The following PARP14 variants were observed in gnomAD, a reference collection of about 807,000 sequenced individuals.
The protein encoded by PARP14 is poly(ADP-ribose) polymerase family member 14, also known as protein mono-ADP-ribosyltransferase PARP14.
In PARP14, 59 loss-of-function variants were observed where a neutral mutation model predicts 154.2. That is an observed-to-expected ratio of 0.38 (90% CI 0.31 to 0.48). The LOEUF is 0.48. Among genes scored for constraint, PARP14 ranks in the 20% least tolerant of loss-of-function variants. The pLI is 0.98. For synonymous variants in PARP14, 720 were observed against 780.5 expected, an observed-to-expected ratio of 0.92 and a Z score of 1.29; for missense variants, 1,734 against 2,131.6, an observed-to-expected ratio of 0.81 and a Z score of 3.67.
intron 6 of PARP14, 104 bp from the exon 7 acceptor site, chr3:122,703,638 C>T (rs573328665): frequency 1.6e-6 from 1 of 639,892 alleles, no homozygotes; most frequent in Admixed American, 2.9e-5. Flanking sequence ...CCGTAGTCAT[C>T]TTAGTTGTCT....
In PARP14 at chr3:122,703,950, G is replaced by A. The variant is rs1039729588; in HGVS notation, c.3290G>A (p.Trp1097Ter). The A allele has an allele frequency of 6.2e-7, 1 of 1,613,608 alleles. No homozygotes were observed. Among genetic ancestry groups the A allele is most frequent in the African/African-American group, 1.3e-5 (1 of 74,906 alleles). Residue 1097 changes from tryptophan (W) to a stop codon, truncating the protein, a stop_gained, in exon 7 of 17, where the codon TGG becomes TAG. Coordinates refer to ENST00000474629, the MANE Select transcript of PARP14 (RefSeq NM_017554.3). LOFTEE classifies it high-confidence loss of function. ...RYVLHVVAPE[W>*]RNGSTSSLKI... ...GTGCTTCACGTGGTAGCTCCGGAGT[G>A]GAGAAATGGTAGCACATCTTCACTC...
chr3:122,700,029 C>T lies in PARP14; in HGVS notation c.1475C>T (p.Thr492Met), dbSNP rs192821471. 115 of 1,613,918 alleles carry T rather than the reference C, an allele frequency of 7.1e-5. No homozygotes were observed. Among genetic ancestry groups the T allele is most frequent in the East Asian group, 2.9e-4 (13 of 44,882 alleles). The change falls in exon 6 of 17, where the codon ACG becomes ATG. Residue 492 changes from threonine (T) to methionine (M), a missense_variant. Physicochemically the swap from Thr to Met is moderately conservative, Grantham distance 81 (BLOSUM62 -1). Coordinates refer to ENST00000474629, the MANE Select transcript of PARP14 (RefSeq NM_017554.3). ...CHSSLLDHLLTECPEIEICYD... is the reference protein window; with the variant it reads ...CHSSLLDHLLMECPEIEICYD... Reference sequence around the variant, plus strand: ...AGCAGTCTACTGGACCATTTACTCACGGAGTGCCCAGAGATAGAGATTTGT... The same window carrying T: ...AGCAGTCTACTGGACCATTTACTCATGGAGTGCCCAGAGATAGAGATTTGT...
intron 15 of PARP14, chr3:122,722,315 CT>C (rs2107655077): frequency 6.6e-6 from 1 of 152,168 alleles, no homozygotes; most frequent in Non-Finnish European, 1.5e-5. Context: ...GTATGCAGCT[CT>C]ATGATGGTCT....
intron 5 of PARP14, among the ~76,000 whole-genome samples, chr3:122,698,425 G>A (rs1463454008): frequency 6.6e-6 from 1 of 152,206 alleles, no homozygotes; most frequent in Admixed American, 6.5e-5. Context: ...CACACCCAGT[G>A]AAGTGGAAAA....
Position 122,681,656 on chromosome 3 carries a change from G to T in PARP14, c.187+586G>T, listed in dbSNP as rs1938213926. Among the ~76,000 whole-genome samples, 1 of 152,294 alleles carries T rather than the reference G, an allele frequency of 6.6e-6. No homozygotes were observed. Among genetic ancestry groups the T allele is most frequent in the South Asian group, 2.1e-4 (1 of 4,818 alleles). The stretch of plus-strand genomic sequence containing the variant: ...CGACCACAGGTGCCCATTGTCGAGG[G>T]CCTGCCGGGGCCTCTTCTCCGAGTC... On this transcript the variant is annotated intron_variant, in intron 1 of 16. Coordinates refer to ENST00000474629, the MANE Select transcript of PARP14 (RefSeq NM_017554.3). This position sits in a 1 kb window ranked among gnomAD's most constrained non-coding sequence, Gnocchi z 5.5.
At position 122,699,390 on chromosome 3, in the gene PARP14, T is replaced by C; in HGVS notation, c.836T>C (p.Val279Ala). 1 of 1,589,794 alleles carries C rather than the reference T, an allele frequency of 6.3e-7. No homozygotes were observed. Among genetic ancestry groups the C allele is most frequent in the Non-Finnish European group, 8.6e-7 (1 of 1,163,760 alleles). Residue 279 changes from valine (V) to alanine (A), a missense_variant and splice_region_variant, in exon 6 of 17, where the codon GTG becomes GCG. Val to Ala is a moderately conservative substitution (Grantham distance 64). This residue lies in a region of PARP14 where 1,646 missense variants were observed against 1,976.0 expected (regional missense o/e 0.83). Coordinates refer to ENST00000474629, the MANE Select transcript of PARP14 (RefSeq NM_017554.3). ...SALIEFFDRK[V>A]LDTIMATKLD... ...ATTATTTTACTTCTTTCCTTTTAAGTGTTAGACACCATCATGGCCACAAAA... is the reference window on the plus strand; with the variant it reads ...ATTATTTTACTTCTTTCCTTTTAAGCGTTAGACACCATCATGGCCACAAAA...
chr3:122,686,329 A>AT (rs1938371968), intron 2 of PARP14, among the ~76,000 whole-genome samples: 1 of 148,114 alleles, frequency 6.8e-6, no homozygotes, highest in East Asian at 2.0e-4. Context: ...AATTTTTTGT[A>AT]TTTTTTGTAG....
In PARP14 at chr3:122,703,967, T is replaced by C; in HGVS notation, c.3307T>C (p.Ser1103Pro). 1 of 1,612,444 alleles carries C rather than the reference T, an allele frequency of 6.2e-7. No homozygotes were observed. Among genetic ancestry groups the C allele is most frequent in the Non-Finnish European group, 8.5e-7 (1 of 1,178,454 alleles). The change falls in exon 7 of 17, where the codon TCT becomes CCT. Residue 1103 changes from serine (S) to proline (P), a missense_variant. Around this residue, in one of 2 missense-constraint regions of PARP14, gnomAD observed 1,646 missense variants for 1,976.0 expected, o/e 0.83. Coordinates refer to ENST00000474629, the MANE Select transcript of PARP14 (RefSeq NM_017554.3). ...VAPEWRNGSTSSLKIMEDIIR... is the reference protein window; with the variant it reads ...VAPEWRNGSTPSLKIMEDIIR... ...TCCGGAGTGGAGAAATGGTAGCACA[T>C]CTTCACTCAAGGTTGGGCCTGGTTT...
chr3:122,712,422 T>C (rs1939352508), intron 9 of PARP14, among the ~76,000 whole-genome samples: 1 of 152,114 alleles, frequency 6.6e-6, no homozygotes, highest in South Asian at 2.1e-4. Context: ...TTTGTATTTT[T>C]CTTTTAGCAG....
intron 15 of PARP14, among the ~76,000 whole-genome samples, chr3:122,727,559 T>C (rs1049197564): frequency 6.6e-6 from 1 of 152,192 alleles, no homozygotes; most frequent in Non-Finnish European, 1.5e-5. Context: ...CATGAGTACT[T>C]AAAATCCTAA....
At chr3:122,691,368 C>T (rs1019184440) in intron 3 of PARP14, among the ~76,000 whole-genome samples, 1 of 152,166 alleles carries the variant, frequency 6.6e-6, no homozygotes, top group African/African-American at 2.4e-5. Flanking sequence ...TGAGACTGAC[C>T]TTGTGTGTAT....
chr3:122,724,442 G>A (rs939658130), intron 15 of PARP14, among the ~76,000 whole-genome samples: 3 of 150,548 alleles, frequency 2.0e-5, no homozygotes, highest in African/African-American at 7.3e-5. Context: ...GGGGCTACAG[G>A]CACATGCCAC....
chr3:122,713,999 A>G, intron 11 of PARP14, 65 bp downstream of exon 11: 1 of 1,235,426 alleles, frequency 8.1e-7, no homozygotes, highest in East Asian at 2.3e-5. Flanking sequence ...AGAGGCTGAG[A>G]AAAGTCTTAG....
intron 14 of PARP14, 68 bp downstream of exon 14, chr3:122,719,026 C>T (rs913439359): frequency 3.4e-5 from 46 of 1,359,644 alleles, no homozygotes; most frequent in Middle Eastern, 1.9e-4. Context: ...CTATTTGGTA[C>T]GTACATCAGA....
chr3:122,697,015 G>T (rs1359228333), intron 5 of PARP14, among the ~76,000 whole-genome samples: 3 of 152,160 alleles, frequency 2.0e-5, no homozygotes, highest in Admixed American at 1.3e-4. Flanking sequence ...GCAGTGGCAT[G>T]ATCATGGCTC....
rs546155859 is a variant in PARP14, at chr3:122,685,798, G to A, written c.321+480G>A. Reference sequence around the variant, plus strand: ...GCTGGGATTACAGTCATGAGCCACCGCACCCTGCTGGGGGTACTTTTTATG... The same window carrying A: ...GCTGGGATTACAGTCATGAGCCACCACACCCTGCTGGGGGTACTTTTTATG... On this transcript the variant is annotated intron_variant, in intron 2 of 16. Coordinates refer to ENST00000474629, the MANE Select transcript of PARP14 (RefSeq NM_017554.3). Among the ~76,000 whole-genome samples the A allele has an allele frequency of 3.3e-5, 5 of 151,938 alleles. No individual in the cohort carries two copies. In the East Asian group the frequency reaches 5.8e-4, roughly 18 times the overall value.
chr3:122,698,484 A>G (rs1250156782), intron 5 of PARP14, among the ~76,000 whole-genome samples: 1 of 152,186 alleles, frequency 6.6e-6, no homozygotes, highest in Non-Finnish European at 1.5e-5. Flanking sequence ...ACTGAATCAT[A>G]GTCTGTGGGG....
In PARP14 at chr3:122,692,392, T is replaced by C. The variant is rs1013764711; in HGVS notation, c.447T>C (p.Ser149=). The part of the protein sequence containing the change: ...DIPEECENIS[S]LVAFENLKAN... ...CAGAGGAATGTGAAAATATTTCCTC[T>C]TTGGTGGCATTTGAAAACCTCAAGG... Residue 149 remains serine (S), a synonymous_variant, in exon 4 of 17, where the codon TCT becomes TCC. Transcript: ENST00000474629. The C allele has an allele frequency of 6.2e-7, 1 of 1,613,820 alleles. No individual in the cohort carries two copies. The highest frequency in any genetic ancestry group is 1.7e-5 in the Admixed American group (1 of 60,014).
intron 9 of PARP14, among the ~76,000 whole-genome samples, chr3:122,709,505 T>C (rs192288585): frequency 1.6e-4 from 25 of 152,304 alleles, no homozygotes; most frequent in Non-Finnish European, 4.4e-5. Flanking sequence ...GCTATAAACA[T>C]GTGTGTGTAT....
Sources: gnomAD v4.1 joint callset for allele counts (sites outside exome capture counted in the v4.1 genomes callset) on GRCh38, gnomAD v4.1.1 for gene constraint, gnomAD v4.1.1 regional missense constraint, Gnocchi (gnomAD v3.1) non-coding constraint, MANE v1.5 for transcripts, NCBI Gene and HGNC (gene_info 2026-07-23, HGNC 2026-07-21) for gene names.